Variants in MARCHF1 observed in about 807,000 individuals in gnomAD.
MARCHF1 encodes the protein membrane associated ring-CH-type finger 1.
In MARCHF1, 40 loss-of-function variants were observed where a neutral mutation model predicts 54.2. The observed-to-expected ratio is 0.74, with a 90% CI of 0.57 to 0.96. The LOEUF (loss-of-function observed/expected upper bound fraction) is 0.96. Ranked by LOEUF, MARCHF1 falls within the 40% of genes least tolerant of loss-of-function variation. The pLI is 0.00. For synonymous variants in MARCHF1, 236 were observed against 236.3 expected (o/e 1.00, Z 0.01); for missense variants, 586 against 656.5 (o/e 0.89, Z 1.17).
intron 4 of MARCHF1, among the ~76,000 whole-genome samples, chr4:163,849,306 A>G (rs1303437917): frequency 2.0e-5 from 3 of 152,150 alleles, no homozygotes; most frequent in Admixed American, 1.3e-4. Context: ...AGTATTAAAA[A>G]TGAGAATATT....
At chr4:164,019,907 C>T (rs79402195) in intron 2 of MARCHF1, among the ~76,000 whole-genome samples, 3,612 of 152,184 alleles carry the variant, frequency 0.024, 127 homozygotes, top group African/African-American at 0.078. Flanking sequence ...AAACTGTTTA[C>T]GCTAAGAAAA....
chr4:163,581,512 A>G (rs983997274), intron 8 of MARCHF1, among the ~76,000 whole-genome samples: 1 of 152,214 alleles, frequency 6.6e-6, no homozygotes, highest in Non-Finnish European at 1.5e-5. Context: ...TTTTAAGGCT[A>G]TTAATGATAA....
chr4:163,767,483 G>A (rs1747017489), intron 4 of MARCHF1, among the ~76,000 whole-genome samples: 2 of 151,944 alleles, frequency 1.3e-5, no homozygotes, highest in Admixed American at 6.6e-5. Flanking sequence ...ACAGGCGCCC[G>A]CCACCACACC....
At chr4:164,179,114 A>C (rs924146560) in intron 1 of MARCHF1, among the ~76,000 whole-genome samples, 1 of 152,140 alleles carries the variant, frequency 6.6e-6, no homozygotes, top group African/African-American at 2.4e-5. Context: ...TTCTGTTTCT[A>C]TAAGTGGTTT....
At chr4:164,122,142 A>G (rs2110778531) in intron 1 of MARCHF1, among the ~76,000 whole-genome samples, 1 of 152,278 alleles carries the variant, frequency 6.6e-6, no homozygotes, top group Non-Finnish European at 1.5e-5. Flanking sequence ...AAAATTCAAC[A>G]TCCCTCCATA....
At chr4:164,137,159 CA>C (rs1756420009) in intron 1 of MARCHF1, among the ~76,000 whole-genome samples, 1 of 152,166 alleles carries the variant, frequency 6.6e-6, no homozygotes, top group Non-Finnish European at 1.5e-5. Flanking sequence ...AATTCACATT[CA>C]CAGCTCTTAT....
chr4:164,161,716 G>A (rs982741176), intron 1 of MARCHF1, among the ~76,000 whole-genome samples: 1 of 152,042 alleles, frequency 6.6e-6, no homozygotes, highest in African/African-American at 2.4e-5. Flanking sequence ...GCAAAATCAG[G>A]AGTCTTCTTC....
intron 1 of MARCHF1, among the ~76,000 whole-genome samples, chr4:164,257,881 A>C (rs1167130319): frequency 6.6e-6 from 1 of 152,150 alleles, no homozygotes; most frequent in African/African-American, 2.4e-5. Context: ...AGGCAGGAAA[A>C]TTGCTTGAAC....
chr4:163,731,071 A>G (rs1242708667), intron 4 of MARCHF1, among the ~76,000 whole-genome samples: 2 of 152,204 alleles, frequency 1.3e-5, no homozygotes, highest in Non-Finnish European at 2.9e-5. Flanking sequence ...AATAGGATAA[A>G]CATTTCTTAA....
At chr4:164,299,817 AC>A (rs1402276813) in intron 1 of MARCHF1, among the ~76,000 whole-genome samples, 6 of 152,104 alleles carry the variant, frequency 3.9e-5, no homozygotes, top group Non-Finnish European at 7.4e-5. Flanking sequence ...AAAACAGGTA[AC>A]TTTTATGTTA....
At chr4:163,836,228 T>C (rs1271198918) in intron 4 of MARCHF1, among the ~76,000 whole-genome samples, 1 of 139,630 alleles carries the variant, frequency 7.2e-6, no homozygotes, top group Non-Finnish European at 1.6e-5. Context: ...TATTTATTTA[T>C]TTATTTATTT....
At chr4:163,886,574 G>T (rs954334589) in intron 3 of MARCHF1, among the ~76,000 whole-genome samples, 5 of 151,936 alleles carry the variant, frequency 3.3e-5, no homozygotes, top group Non-Finnish European at 7.4e-5. Context: ...GAGAAGAGGA[G>T]AGGATGGAGA....
chr4:164,101,777 A>G (rs1237671236), intron 2 of MARCHF1, among the ~76,000 whole-genome samples: 1 of 149,036 alleles, frequency 6.7e-6, no homozygotes, highest in Non-Finnish European at 1.5e-5. Flanking sequence ...GACTTTGACG[A>G]GCTGAGAGAA....
intron 1 of MARCHF1, among the ~76,000 whole-genome samples, chr4:164,249,630 A>G (rs570658669): frequency 9.9e-5 from 15 of 152,128 alleles, no homozygotes; most frequent in African/African-American, 3.6e-4. Context: ...CTATATTTCA[A>G]GAAGTTTTTT....
At chr4:163,659,692 T>C (rs1743276120) in intron 5 of MARCHF1, among the ~76,000 whole-genome samples, 1 of 151,740 alleles carries the variant, frequency 6.6e-6, no homozygotes, top group African/African-American at 2.4e-5. Flanking sequence ...ACAAGGAATT[T>C]AAACAAATTT....
At chr4:163,863,773 C>G (rs1174157095) in intron 3 of MARCHF1, among the ~76,000 whole-genome samples, 1 of 151,744 alleles carries the variant, frequency 6.6e-6, no homozygotes, top group Non-Finnish European at 1.5e-5. Context: ...GATTCTGGGG[C>G]TAGGGTAGGA....
At chr4:163,827,762 A>G (rs1748894483) in intron 4 of MARCHF1, among the ~76,000 whole-genome samples, 1 of 152,110 alleles carries the variant, frequency 6.6e-6, no homozygotes, top group African/African-American at 2.4e-5. Flanking sequence ...TATACACTGA[A>G]CCTTATTTTG....
intron 3 of MARCHF1, among the ~76,000 whole-genome samples, chr4:163,887,006 C>T (rs1408938572): frequency 6.6e-6 from 1 of 152,072 alleles, no homozygotes; most frequent in African/African-American, 2.4e-5. Flanking sequence ...GCTCTGGACC[C>T]CCATTTCCAA....
intron 5 of MARCHF1, 50 bp downstream of exon 5, chr4:163,700,763 A>T: frequency 7.8e-7 from 1 of 1,289,242 alleles, no homozygotes; most frequent in African/African-American, 1.5e-5. Flanking sequence ...ATTTATGTGA[A>T]CTCATGAAGT....
Sources: allele counts gnomAD v4.1 joint callset (sites outside exome capture counted in the v4.1 genomes callset), GRCh38; gene constraint gnomAD v4.1.1; transcripts MANE v1.5; gene names NCBI Gene and HGNC (gene_info 2026-07-23, HGNC 2026-07-21).